LYPD6: variants seen among roughly 807,000 people sequenced by gnomAD.
The protein encoded by LYPD6 is ly6/PLAUR domain-containing protein 6.
Under a neutral mutation model 22.7 loss-of-function variants are expected in LYPD6, and 15 were observed. The ratio of observed to expected loss-of-function variants is 0.66; its 90% CI spans 0.44 to 1.02. LYPD6 has a LOEUF of 1.02. Ranked by LOEUF, LYPD6 falls within the 50% of genes least tolerant of loss-of-function variation. The pLI, the probability that LYPD6 is intolerant of heterozygous loss-of-function variation, is 0.00. For synonymous variants in LYPD6, 72 were observed against 77.5 expected, an observed-to-expected ratio of 0.93 and a Z score of 0.37; for missense variants, 189 against 208.4, an observed-to-expected ratio of 0.91 and a Z score of 0.57.
intron 1 of LYPD6, among the ~76,000 whole-genome samples, chr2:149,331,060 A>G (rs954151155): frequency 6.6e-6 from 1 of 152,080 alleles, no homozygotes; most frequent in African/African-American, 2.4e-5. Context: ...GCATCTTCTC[A>G]CGGCCCAACA....
At chr2:149,478,223 G>T (rs190282154), downstream of LYPD6, among the ~76,000 whole-genome samples, 15 of 152,184 alleles carry the variant, frequency 9.9e-5, no homozygotes, top group Admixed American at 9.2e-4. Flanking sequence ...CTCATCTCAA[G>T]AATTCTGGAG....
At chr2:149,351,249 A>G (rs1681352859) in intron 1 of LYPD6, among the ~76,000 whole-genome samples, 1 of 151,818 alleles carries the variant, frequency 6.6e-6, no homozygotes, top group African/African-American at 2.4e-5. Flanking sequence ...CAAAAATTAA[A>G]TGGGTGTGGT....
intron 1 of LYPD6, among the ~76,000 whole-genome samples, chr2:149,361,006 A>G (rs1469778476): frequency 5.3e-5 from 8 of 152,212 alleles, no homozygotes; most frequent in Non-Finnish European, 1.0e-4. Context: ...TCTGTTCTTT[A>G]TAGTTCTTAG....
At chr2:149,402,264 C>T (rs1288200719) in intron 1 of LYPD6, among the ~76,000 whole-genome samples, 12 of 146,792 alleles carry the variant, frequency 8.2e-5, no homozygotes. Flanking sequence ...GTGTGTATTA[C>T]ATTTCCTTTA....
At chr2:149,383,048 TGTG>T (rs569782181) in intron 1 of LYPD6, among the ~76,000 whole-genome samples, 44 of 152,264 alleles carry the variant, frequency 2.9e-4, no homozygotes, top group East Asian at 9.6e-4. Context: ...GTATTTTTAT[TGTG>T]GTGAAATATA....
At chr2:149,390,475 T>C (rs1682284044) in intron 1 of LYPD6, among the ~76,000 whole-genome samples, 1 of 152,224 alleles carries the variant, frequency 6.6e-6, no homozygotes, top group Non-Finnish European at 1.5e-5. Context: ...TGTGGTTCCA[T>C]TTAATTGTAC....
intron 1 of LYPD6, among the ~76,000 whole-genome samples, chr2:149,336,550 G>A (rs1681037670): frequency 6.6e-6 from 1 of 152,146 alleles, no homozygotes; most frequent in Non-Finnish European, 1.5e-5. Flanking sequence ...CTGTATTAAT[G>A]TGATGCTATT....
At chr2:149,361,257 A>G (rs1453521980) in intron 1 of LYPD6, among the ~76,000 whole-genome samples, 3 of 152,264 alleles carry the variant, frequency 2.0e-5, no homozygotes, top group Non-Finnish European at 4.4e-5. Flanking sequence ...ATATAGATTT[A>G]AGTCAGTGCC....
intron 1 of LYPD6, among the ~76,000 whole-genome samples, chr2:149,420,677 G>A (rs776062072): frequency 8.5e-5 from 13 of 152,142 alleles, no homozygotes; most frequent in Non-Finnish European, 1.8e-4. Context: ...TGCCATGGTA[G>A]TTTCATAGGT....
intron 1 of LYPD6, among the ~76,000 whole-genome samples, chr2:149,395,988 T>A (rs1041881517): frequency 7.4e-4 from 113 of 152,312 alleles, no homozygotes; most frequent in African/African-American, 2.7e-3. Flanking sequence ...TCATTTGATA[T>A]AGTTTTGGGT....
chr2:149,429,273 A>G (rs1683261492), intron 1 of LYPD6, among the ~76,000 whole-genome samples: 1 of 152,206 alleles, frequency 6.6e-6, no homozygotes, highest in Admixed American at 6.5e-5. Context: ...TTTTGAAAAG[A>G]GACTTCTGGA....
chr2:149,410,557 G>A (rs1373029025), intron 1 of LYPD6, among the ~76,000 whole-genome samples: 1 of 152,144 alleles, frequency 6.6e-6, no homozygotes, highest in Non-Finnish European at 1.5e-5. Context: ...TGCTTCTCCA[G>A]TGAAAAGTCC....
At chr2:149,370,517 G>A (rs1293887280) in intron 1 of LYPD6, 1 of 152,160 alleles carries the variant, frequency 6.6e-6, no homozygotes, top group African/African-American at 2.4e-5. Flanking sequence ...TTTACCTTGT[G>A]AGGGTGAGCA....
intron 1 of LYPD6, among the ~76,000 whole-genome samples, chr2:149,409,022 C>T (rs569586971): frequency 5.3e-5 from 8 of 152,230 alleles, no homozygotes; most frequent in African/African-American, 1.9e-4. Flanking sequence ...GGTTCTTTCT[C>T]ATTTGAGTAG....
chr2:149,369,494 G>C (rs559312202), intron 1 of LYPD6, among the ~76,000 whole-genome samples: 69 of 152,136 alleles, frequency 4.5e-4, no homozygotes, highest in Non-Finnish European at 7.1e-4. Flanking sequence ...CCAGTTTTCT[G>C]GGAGACTTAG....
intron 1 of LYPD6, among the ~76,000 whole-genome samples, chr2:149,357,931 G>A (rs1236678977): frequency 2.0e-5 from 3 of 151,850 alleles, no homozygotes; most frequent in South Asian, 2.1e-4. Context: ...GATTACAAGC[G>A]TGTGCCACCA....
chr2:149,463,115 TG>T (rs1304815193), intron 3 of LYPD6, among the ~76,000 whole-genome samples: 1 of 152,060 alleles, frequency 6.6e-6, no homozygotes, highest in African/African-American at 2.4e-5. Context: ...AGCTATGAAA[TG>T]GGAAAAATAT....
At chr2:149,419,625 G>C (rs992416093) in intron 1 of LYPD6, among the ~76,000 whole-genome samples, 1 of 152,158 alleles carries the variant, frequency 6.6e-6, no homozygotes, top group African/African-American at 2.4e-5. Flanking sequence ...TGCTACCCTT[G>C]TTATAGAGAA....
At chr2:149,483,670 G>A in the LYPD6 span, among the ~76,000 whole-genome samples, 1 of 152,202 alleles carries the variant, frequency 6.6e-6, no homozygotes, top group South Asian at 2.1e-4. Flanking sequence ...AGTCTGTTAA[G>A]TGATGGATAT....
Sources: allele counts gnomAD v4.1 joint callset (sites outside exome capture counted in the v4.1 genomes callset), GRCh38; gene constraint gnomAD v4.1.1; transcripts MANE v1.5; gene names NCBI Gene and HGNC (gene_info 2026-07-23, HGNC 2026-07-21).